KIAA1217: variants seen among roughly 807,000 people sequenced by gnomAD.
KIAA1217 encodes sickle tail protein homolog.
KIAA1217 carries 88 observed loss-of-function variants against 163.9 expected under a neutral mutation model. That is an observed-to-expected ratio of 0.54 (90% CI 0.45 to 0.64). The LOEUF is 0.64. Among genes scored for constraint, KIAA1217 ranks in the 30% least tolerant of loss-of-function variants. The pLI is 0.00. For synonymous variants in KIAA1217, 903 were observed against 923.1 expected (o/e 0.98, Z 0.39); for missense variants, 2,372 against 2,475.0 (o/e 0.96, Z 0.88).
intron 1 of KIAA1217, among the ~76,000 whole-genome samples, chr10:23,825,623 T>A (rs369384155): frequency 2.6e-5 from 4 of 152,226 alleles, no homozygotes; most frequent in African/African-American, 9.6e-5. Flanking sequence ...AGTTTCCATT[T>A]TGGTTTAAGT....
intron 2 of KIAA1217, among the ~76,000 whole-genome samples, chr10:24,109,713 G>A (rs764423985): frequency 6.6e-6 from 1 of 152,206 alleles, no homozygotes; most frequent in South Asian, 2.1e-4. Context: ...TAAAAAGAAC[G>A]AGGAATAAGA....
At chr10:24,210,423 T>A (rs1355026600) in intron 1 of KIAA1217, among the ~76,000 whole-genome samples, 3 of 152,206 alleles carry the variant, frequency 2.0e-5, no homozygotes, top group African/African-American at 7.2e-5. Flanking sequence ...CCGGGGTCAG[T>A]GGCATCCAGT....
At chr10:24,253,744 A>G (rs143507398) in intron 2 of KIAA1217, among the ~76,000 whole-genome samples, 2,522 of 151,614 alleles carry the variant, frequency 0.017, 63 homozygotes, top group African/African-American at 0.054. Context: ...AAGAAAAAAA[A>G]AAAAGAAAAG....
intron 1 of KIAA1217, among the ~76,000 whole-genome samples, chr10:23,788,768 C>A (rs1033082151): frequency 3.3e-5 from 5 of 152,166 alleles, no homozygotes; most frequent in African/African-American, 1.2e-4. Context: ...AGGGGTAGGA[C>A]AGGCACGGGG....
At chr10:24,432,408 G>A (rs10828651) in intron 3 of KIAA1217, among the ~76,000 whole-genome samples, 90,460 of 151,408 alleles carry the variant, frequency 0.6, 28,451 homozygotes, top group African/African-American at 0.81. Context: ...GTGAGTTACC[G>A]AGCCTGGCCA....
chr10:24,486,094 G>A (rs1438557268), intron 6 of KIAA1217, among the ~76,000 whole-genome samples: 5 of 152,152 alleles, frequency 3.3e-5, no homozygotes, highest in African/African-American at 4.8e-5. Context: ...CATTGCTCTC[G>A]ACCTCACAGC....
intron 2 of KIAA1217, among the ~76,000 whole-genome samples, chr10:24,165,626 A>G (rs1339238971): frequency 6.6e-6 from 1 of 152,188 alleles, no homozygotes; most frequent in Admixed American, 6.5e-5. Context: ...TGGATACAAA[A>G]TTCGAGTTTT....
intron 1 of KIAA1217, among the ~76,000 whole-genome samples, chr10:23,812,188 C>T (rs1564442913): frequency 6.6e-6 from 1 of 152,128 alleles, no homozygotes; most frequent in South Asian, 2.1e-4. Flanking sequence ...ATTTAGTAGA[C>T]ACTTATATTA....
intron 1 of KIAA1217, among the ~76,000 whole-genome samples, chr10:23,995,449 CCTGT>C (rs1334023247): frequency 2.5e-5 from 2 of 79,590 alleles, no homozygotes; most frequent in Admixed American, 1.6e-4. Flanking sequence ...CCAATTATGG[CCTGT>C]GTGTGTGTGT....
In KIAA1217 at chr10:24,546,160, C is replaced by A. The variant is rs1045110462; in HGVS notation, c.5668C>A (p.Pro1890Thr). The A allele has an allele frequency of 8.1e-6, 13 of 1,614,192 alleles. No homozygotes were observed. Among genetic ancestry groups the A allele is most frequent in the Non-Finnish European group, 1.1e-5 (13 of 1,180,034 alleles). Residue 1890 changes from proline to threonine, a missense_variant, in exon 21 of 21, where the codon CCT becomes ACT. This residue lies in a region of KIAA1217 where 690 missense variants were observed against 677.5 expected (regional missense o/e 1.02). Coordinates refer to ENST00000376454, the MANE Select transcript of KIAA1217 (RefSeq NM_019590.5). ...GAGTCAAAATGGCCGAGCACCCCCT[C>A]CTTTGTCATTTTCCTCCTCCCCTCC... ...PQSQNGRAPPPLSFSSSPPSP... is the reference protein window; with the variant it reads ...PQSQNGRAPPTLSFSSSPPSP...
At chr10:24,175,357 AATG>A (rs1564789971) in intron 2 of KIAA1217, among the ~76,000 whole-genome samples, 1 of 152,182 alleles carries the variant, frequency 6.6e-6, no homozygotes, top group African/African-American at 2.4e-5. Context: ...CACTTAGAAT[AATG>A]ATCTCCAATT....
At chr10:24,278,840 G>A (rs2077579000) in intron 2 of KIAA1217, among the ~76,000 whole-genome samples, 1 of 147,042 alleles carries the variant, frequency 6.8e-6, no homozygotes, top group Admixed American at 7.2e-5. Flanking sequence ...TCTGCTGTTG[G>A]TGTACTCAGA....
chr10:24,372,819 A>T (rs1265661627), intron 2 of KIAA1217, among the ~76,000 whole-genome samples: 3 of 152,206 alleles, frequency 2.0e-5, no homozygotes, highest in Non-Finnish European at 4.4e-5. Context: ...TAATTTGTTA[A>T]CCAGCCCTCC....
chr10:24,168,498 G>A (rs114421692), intron 2 of KIAA1217, among the ~76,000 whole-genome samples: 2,722 of 152,332 alleles, frequency 0.018, 27 homozygotes, highest in Middle Eastern at 0.058. Context: ...ACCTTTGTGA[G>A]ACAGTGGGGG....
chr10:23,852,983 T>A (rs1230630864), intron 1 of KIAA1217, among the ~76,000 whole-genome samples: 3 of 152,196 alleles, frequency 2.0e-5, no homozygotes, highest in East Asian at 3.8e-4. Flanking sequence ...ACTTCCTCTT[T>A]TCCTAATTGA....
intron 6 of KIAA1217, among the ~76,000 whole-genome samples, chr10:24,489,995 C>T (rs1235032568): frequency 6.6e-6 from 1 of 151,238 alleles, no homozygotes; most frequent in East Asian, 1.9e-4. Flanking sequence ...ATGAATTTTG[C>T]TTCGTCTTCA....
chr10:23,756,694 G>T (rs1833938751), intron 1 of KIAA1217, among the ~76,000 whole-genome samples: 1 of 152,082 alleles, frequency 6.6e-6, no homozygotes, highest in Non-Finnish European at 1.5e-5. Context: ...TTCAAAAATA[G>T]CTATTTAAAA....
At chr10:24,111,986 A>G (rs2062865557) in intron 2 of KIAA1217, among the ~76,000 whole-genome samples, 1 of 152,034 alleles carries the variant, frequency 6.6e-6, no homozygotes, top group Non-Finnish European at 1.5e-5. Context: ...TTTTTTGTAG[A>G]GACAGGGTCT....
chr10:24,481,567 T>C (rs2064701442), intron 6 of KIAA1217: 1 of 152,118 alleles, frequency 6.6e-6, no homozygotes, highest in Non-Finnish European at 1.5e-5. Context: ...TTGAAAACAA[T>C]GAGGAACGAC....
Sources: allele counts gnomAD v4.1 joint callset (sites outside exome capture counted in the v4.1 genomes callset), GRCh38; gene constraint gnomAD v4.1.1; regional missense constraint gnomAD v4.1.1; transcripts MANE v1.5; gene names NCBI Gene and HGNC (gene_info 2026-07-23, HGNC 2026-07-21).